The following PDE1C variants were observed in gnomAD, a reference collection of about 807,000 sequenced individuals.
PDE1C encodes the protein dual specificity calcium/calmodulin-dependent 3',5'-cyclic nucleotide phosphodiesterase 1C.
PDE1C carries 62 observed loss-of-function variants against 93.1 expected under a neutral mutation model. The ratio of observed to expected loss-of-function variants is 0.67; its 90% confidence interval spans 0.54 to 0.82. The LOEUF (loss-of-function observed/expected upper bound fraction) is 0.82. Among genes scored for constraint, PDE1C ranks in the 40% least tolerant of loss-of-function variants. The probability of loss-of-function intolerance (pLI) is 0.00; values close to 1 mark genes in which losing one functional copy is unlikely to be tolerated. For missense variants in PDE1C, 742 were observed against 884.6 expected, an observed-to-expected ratio of 0.84 and a Z score of 2.04; for synonymous variants, 325 against 310.1, an observed-to-expected ratio of 1.05 and a Z score of -0.50.
intron 16 of PDE1C, among the ~76,000 whole-genome samples, chr7:31,798,548 A>C (rs1269011433): frequency 6.6e-6 from 1 of 151,790 alleles, no homozygotes; most frequent in African/African-American, 2.4e-5. Context: ...CTAGAGTAGA[A>C]GTCTGAACAA....
intron 1 of PDE1C, among the ~76,000 whole-genome samples, chr7:32,280,771 C>T (rs1267890028): frequency 1.3e-5 from 2 of 152,054 alleles, no homozygotes; most frequent in East Asian, 1.9e-4. Context: ...GAGGATTGCT[C>T]GAGGCCAGGA....
intron 1 of PDE1C, among the ~76,000 whole-genome samples, chr7:32,381,909 C>G (rs532086606): frequency 6.6e-6 from 1 of 152,242 alleles, no homozygotes; most frequent in South Asian, 2.1e-4. Context: ...TAAAACAGTG[C>G]CTGAAACATA....
At chr7:32,404,790 C>T (rs1469292472) in intron 1 of PDE1C, among the ~76,000 whole-genome samples, 1 of 152,158 alleles carries the variant, frequency 6.6e-6, no homozygotes, top group Admixed American at 6.6e-5. Context: ...GGAGGAACAG[C>T]CTCCAATTGA....
chr7:32,400,858 T>A lies in PDE1C; in HGVS notation c.310+26964A>T, dbSNP rs182537559. ...CCTTCCTTATCCCCGACATAGTTCC[T>A]GCTGAATGAGCTCCCACTGTCACAT... On this transcript the variant is annotated intron_variant, in intron 1 of 1. Transcript: ENST00000672256. Among the ~76,000 whole-genome samples the A allele has an allele frequency of 4.4e-4, 67 of 152,386 alleles. No homozygotes were observed. The Middle Eastern group carries it at 0.014, about 31-fold the overall frequency.
chr7:31,947,194 G>C (rs1806735300), intron 2 of PDE1C, among the ~76,000 whole-genome samples: 1 of 152,150 alleles, frequency 6.6e-6, no homozygotes, highest in African/African-American at 2.4e-5. Flanking sequence ...AGGAGGTGGA[G>C]TATTCTATAT....
chr7:31,651,422 T>C, the PDE1C span, among the ~76,000 whole-genome samples: 1 of 152,112 alleles, frequency 6.6e-6, no homozygotes, highest in Non-Finnish European at 1.5e-5. Context: ...TCTTGCTTTC[T>C]CAGTGGGAGT....
At chr7:32,397,940 G>C (rs1414247261) in intron 1 of PDE1C, among the ~76,000 whole-genome samples, 1 of 151,712 alleles carries the variant, frequency 6.6e-6, no homozygotes, top group Non-Finnish European at 1.5e-5. Flanking sequence ...AGATCATGAG[G>C]TCAGGAGATC....
intron 1 of PDE1C, among the ~76,000 whole-genome samples, chr7:32,376,696 CT>C (rs935869543): frequency 6.6e-6 from 1 of 151,682 alleles, no homozygotes; most frequent in South Asian, 2.1e-4. Context: ...TTTCCCCTTT[CT>C]TTTTTTTTGA....
intron 1 of PDE1C, among the ~76,000 whole-genome samples, chr7:32,322,515 A>C (rs941946765): frequency 2.0e-5 from 3 of 152,150 alleles, no homozygotes; most frequent in African/African-American, 7.2e-5. Context: ...GAGGCAGGAG[A>C]ATCACTTGAG....
the PDE1C span, among the ~76,000 whole-genome samples, chr7:31,618,334 T>A: frequency 2.1e-5 from 3 of 143,134 alleles, no homozygotes; most frequent in African/African-American, 5.2e-5. Flanking sequence ...GGGGGCAAAT[T>A]CACATTGTTC....
At chr7:31,918,303 AC>A (rs1802182579) in intron 2 of PDE1C, among the ~76,000 whole-genome samples, 1 of 152,212 alleles carries the variant, frequency 6.6e-6, no homozygotes, top group African/African-American at 2.4e-5. Flanking sequence ...GAAACAGAAT[AC>A]CTCACACTAC....
chr7:31,649,380 G>C, the PDE1C span, among the ~76,000 whole-genome samples: 4 of 152,272 alleles, frequency 2.6e-5, no homozygotes, highest in South Asian at 6.2e-4. Flanking sequence ...GGAGGAAGAA[G>C]AGAAGCTTCA....
chr7:31,776,239 T>C (rs964890478), intron 16 of PDE1C, among the ~76,000 whole-genome samples: 1 of 152,206 alleles, frequency 6.6e-6, no homozygotes, highest in African/African-American at 2.4e-5. Context: ...AGCAATGAAC[T>C]GGATCTCTCT....
chr7:31,841,211 C>CTG (rs1791826254), intron 9 of PDE1C, among the ~76,000 whole-genome samples: 1 of 97,192 alleles, frequency 1.0e-5, no homozygotes, highest in African/African-American at 4.7e-5. Flanking sequence ...CTCTCTCTGT[C>CTG]TCTCTCTCTC....
upstream of PDE1C, among the ~76,000 whole-genome samples, chr7:32,074,513 C>G (rs1796242883): frequency 6.6e-6 from 1 of 152,198 alleles, no homozygotes; most frequent in South Asian, 2.1e-4. Context: ...CATGGCACAG[C>G]AGGTTCCAAA....
chr7:31,820,905 G>C (rs769623029), intron 14 of PDE1C: 5 of 147,306 alleles, frequency 3.4e-5, no homozygotes, highest in Non-Finnish European at 4.4e-5. Flanking sequence ...TGCTTTATAG[G>C]TATTACTTCT....
At chr7:31,693,942 T>C in the PDE1C span, among the ~76,000 whole-genome samples, 9 of 152,332 alleles carry the variant, frequency 5.9e-5, no homozygotes, top group South Asian at 2.1e-4. Context: ...AGGCCATACT[T>C]AGAGTGTCCA....
At chr7:31,834,418 C>A (rs181269822) in intron 11 of PDE1C, among the ~76,000 whole-genome samples, 1 of 152,236 alleles carries the variant, frequency 6.6e-6, no homozygotes, top group Non-Finnish European at 1.5e-5. Context: ...ACTGTCAGCC[C>A]AGGAAAGCAG....
intron 3 of PDE1C, among the ~76,000 whole-genome samples, chr7:32,136,700 T>C (rs776423627): frequency 3.4e-4 from 52 of 152,202 alleles, no homozygotes; most frequent in Non-Finnish European, 5.7e-4. Flanking sequence ...GTACCAATAA[T>C]GGGAAGGCCG....
Sources: allele counts gnomAD v4.1 joint callset (sites outside exome capture counted in the v4.1 genomes callset), GRCh38; gene constraint gnomAD v4.1.1; transcripts MANE v1.5; gene names NCBI Gene and HGNC (gene_info 2026-07-23, HGNC 2026-07-21).